Variants in FHIT observed in about 807,000 individuals in gnomAD.
FHIT encodes the protein fragile histidine triad diadenosine triphosphatase, also known as bis(5'-adenosyl)-triphosphatase.
Under a neutral mutation model 17.9 loss-of-function variants are expected in FHIT, and 19 were observed. The observed-to-expected ratio is 1.06, with a 90% CI of 0.74 to 1.56. FHIT has a LOEUF of 1.56. FHIT is among the 40% of genes most tolerant of loss of function. The pLI is 0.00. For synonymous variants in FHIT, 81 were observed against 69.7 expected (o/e 1.16, Z -0.81); for missense variants, 248 against 189.2 (o/e 1.31, Z -1.82).
intron 4 of FHIT, among the ~76,000 whole-genome samples, chr3:60,619,634 A>T (rs568051591): frequency 3.3e-4 from 48 of 144,888 alleles, no homozygotes; most frequent in Non-Finnish European, 5.6e-4. Context: ...AAAAGAATCT[A>T]GACAAAGACC....
intron 5 of FHIT, among the ~76,000 whole-genome samples, chr3:60,147,016 C>G (rs530700015): frequency 6.6e-6 from 1 of 152,256 alleles, no homozygotes; most frequent in South Asian, 2.1e-4. Flanking sequence ...CATTTTGACA[C>G]GCAATCCTTT....
intron 5 of FHIT, among the ~76,000 whole-genome samples, chr3:60,428,140 C>G (rs1372021715): frequency 6.6e-6 from 1 of 152,060 alleles, no homozygotes; most frequent in Non-Finnish European, 1.5e-5. Flanking sequence ...TGGCACAACC[C>G]CAAGAGGGCT....
chr3:60,124,043 G>GAGAGAGAGAGAGAGAGAGACAC (rs1705418961), intron 5 of FHIT, among the ~76,000 whole-genome samples: 1 of 115,504 alleles, frequency 8.7e-6, no homozygotes, highest in Non-Finnish European at 1.8e-5. Flanking sequence ...GAGAGAGAGA[G>GAGAGAGAGAGAGAGAGAGACAC]AGAGAGAGAG....
intron 7 of FHIT, among the ~76,000 whole-genome samples, chr3:59,951,982 G>A (rs1304805074): frequency 6.6e-6 from 1 of 152,052 alleles, no homozygotes. Flanking sequence ...CATCATGTGT[G>A]GCCTTGATTT....
intron 5 of FHIT, among the ~76,000 whole-genome samples, chr3:60,232,389 T>C (rs1704540937): frequency 6.6e-6 from 1 of 152,184 alleles, no homozygotes; most frequent in South Asian, 2.1e-4. Flanking sequence ...TCTTCCATTA[T>C]CTTATCCCCC....
chr3:60,045,061 A>G (rs953472127), intron 5 of FHIT, among the ~76,000 whole-genome samples: 1 of 152,140 alleles, frequency 6.6e-6, no homozygotes, highest in African/African-American at 2.4e-5. Context: ...AGAAAGAAAG[A>G]AACAAAGATG....
At chr3:61,223,103 T>C (rs2039881974) in intron 1 of FHIT, among the ~76,000 whole-genome samples, 1 of 152,216 alleles carries the variant, frequency 6.6e-6, no homozygotes, top group Non-Finnish European at 1.5e-5. Context: ...GGATCACTGG[T>C]ACTGAGGTGC....
At position 61,045,027 on chromosome 3, in the gene FHIT, C is replaced by T. The variant is rs1333835004; in HGVS notation, c.-163-2928G>A. On this transcript the variant is annotated intron_variant, in intron 2 of 9. Transcript: ENST00000492590. ...CAACCAGTACCAGCCACTGCAAAAA[C>T]ATGCCACACTATAAAGACCATCAAT... is the stretch of plus-strand genomic sequence containing the variant. Among the ~76,000 whole-genome samples, 3 of 152,220 alleles carry T rather than the reference C, an allele frequency of 2.0e-5. No individual in the cohort carries two copies. In the East Asian group the frequency reaches 5.8e-4, roughly 29 times the overall value.
At chr3:60,338,366 T>C (rs1279231322) in intron 5 of FHIT, among the ~76,000 whole-genome samples, 1 of 152,192 alleles carries the variant, frequency 6.6e-6, no homozygotes, top group Non-Finnish European at 1.5e-5. Flanking sequence ...TCCTATTTAT[T>C]TATTTACTTA....
chr3:59,885,838 T>C (rs541310704), intron 8 of FHIT, among the ~76,000 whole-genome samples: 1 of 152,180 alleles, frequency 6.6e-6, no homozygotes, highest in Non-Finnish European at 1.5e-5. Context: ...CATAGTGACT[T>C]ATATGAACTC....
chr3:60,045,583 T>G (rs1157333140), intron 5 of FHIT, among the ~76,000 whole-genome samples: 3 of 152,116 alleles, frequency 2.0e-5, no homozygotes, highest in East Asian at 1.9e-4. Context: ...AAATTTTATG[T>G]TTTTTTAATG....
At chr3:60,281,743 CAG>C (rs1037258727) in intron 5 of FHIT, among the ~76,000 whole-genome samples, 1 of 151,410 alleles carries the variant, frequency 6.6e-6, no homozygotes, top group Non-Finnish European at 1.5e-5. Context: ...AAAGATAACA[CAG>C]GGAAAAATAC....
At chr3:59,828,943 A>G (rs1701071076) in intron 8 of FHIT, among the ~76,000 whole-genome samples, 1 of 151,434 alleles carries the variant, frequency 6.6e-6, no homozygotes, top group Admixed American at 6.6e-5. Context: ...TATTATGTAA[A>G]TTTTCCAAGA....
At chr3:60,728,724 C>CAA (rs1371006810) in intron 4 of FHIT, among the ~76,000 whole-genome samples, 1 of 151,168 alleles carries the variant, frequency 6.6e-6, no homozygotes, top group Non-Finnish European at 1.5e-5. Flanking sequence ...CACACACACA[C>CAA]ACACACAATT....
At chr3:60,310,758 T>G (rs1273811788) in intron 5 of FHIT, among the ~76,000 whole-genome samples, 1 of 152,162 alleles carries the variant, frequency 6.6e-6, no homozygotes, top group Non-Finnish European at 1.5e-5. Context: ...ATTGAAATTA[T>G]TTTGAAATTT....
intron 4 of FHIT, among the ~76,000 whole-genome samples, chr3:60,764,807 T>A (rs1699793118): frequency 6.6e-6 from 1 of 151,172 alleles, no homozygotes; most frequent in Admixed American, 6.6e-5. Context: ...TAATGTTATA[T>A]AAATGACATG....
chr3:61,109,309 G>C (rs568325740), intron 2 of FHIT, among the ~76,000 whole-genome samples: 7 of 152,164 alleles, frequency 4.6e-5, no homozygotes, highest in Admixed American at 2.0e-4. Context: ...CCCAAGCTAA[G>C]AATCCAAGAA....
At chr3:60,404,204 T>A (rs1701766114) in intron 5 of FHIT, among the ~76,000 whole-genome samples, 1 of 152,324 alleles carries the variant, frequency 6.6e-6, no homozygotes, top group Non-Finnish European at 1.5e-5. Flanking sequence ...GCTTTGTGTG[T>A]TTTGTCTAAT....
At chr3:59,986,889 TCA>T (rs1708995767) in intron 7 of FHIT, among the ~76,000 whole-genome samples, 1 of 111,204 alleles carries the variant, frequency 9.0e-6, no homozygotes, top group East Asian at 2.4e-4. Flanking sequence ...TTTTATATAT[TCA>T]TATATTTTAT....
Sources: allele counts gnomAD v4.1 joint callset (sites outside exome capture counted in the v4.1 genomes callset), GRCh38; gene constraint gnomAD v4.1.1; transcripts MANE v1.5; gene names NCBI Gene and HGNC (gene_info 2026-07-23, HGNC 2026-07-21).